Variants in ELL observed in about 807,000 individuals in gnomAD.
The protein encoded by ELL is RNA polymerase II elongation factor ELL.
ELL carries 18 observed loss-of-function variants against 64.0 expected under a neutral mutation model. That is an observed-to-expected ratio of 0.28 (90% CI 0.19 to 0.42). The LOEUF is 0.42. Among genes scored for constraint, ELL ranks in the 10% least tolerant of loss-of-function variants. The pLI, the probability that ELL is intolerant of heterozygous loss-of-function variation, is 1.00. For missense variants in ELL, 797 were observed against 870.4 expected (o/e 0.92, Z 1.06); for synonymous variants, 399 against 376.2 (o/e 1.06, Z -0.70).
At chr19:18,488,640 C>A (rs544622068) in intron 1 of ELL, among the ~76,000 whole-genome samples, 1 of 152,146 alleles carries the variant, frequency 6.6e-6, no homozygotes, top group Non-Finnish European at 1.5e-5. Flanking sequence ...TTCTATGGAC[C>A]GGGCTGTGCA....
chr19:18,470,078 A>G (rs2144926980), intron 2 of ELL, among the ~76,000 whole-genome samples: 1 of 152,332 alleles, frequency 6.6e-6, no homozygotes, highest in Admixed American at 6.5e-5. Context: ...GCACTTTGGG[A>G]GGCTGAGGTG....
At chr19:18,473,141 C>A in intron 1 of ELL, 1 of 676,428 alleles carries the variant, frequency 1.5e-6, no homozygotes, top group Non-Finnish European at 2.7e-6. Context: ...CAGACACAGG[C>A]AACAGGCTGG....
chr19:18,469,738 T>G (rs1244091629), intron 2 of ELL, among the ~76,000 whole-genome samples: 1 of 152,236 alleles, frequency 6.6e-6, no homozygotes, highest in African/African-American at 2.4e-5. Flanking sequence ...CGCTCTGCCC[T>G]TCCCGCTGAC....
At position 18,509,575 on chromosome 19, in the gene ELL, A is replaced by G. The variant is rs551461124; in HGVS notation, c.135+12346T>C. Among the ~76,000 whole-genome samples the G allele has an allele frequency of 2.8e-5, 4 of 144,008 alleles. No individual in the cohort carries two copies. In the South Asian group the frequency reaches 6.8e-4, roughly 24 times the overall value. 94.5% of individuals were successfully genotyped at this position (144,008 alleles called of 152,430 possible). ...TGAACACAGATGGAGACACAGGCCA[A>G]TGCACGTGCGCGCGCGCGCACATAC... On this transcript the variant is annotated intron_variant, in intron 1 of 11. Transcript: ENST00000262809.
At chr19:18,492,379 C>T (rs1975551607) in intron 1 of ELL, among the ~76,000 whole-genome samples, 1 of 152,176 alleles carries the variant, frequency 6.6e-6, no homozygotes, top group Non-Finnish European at 1.5e-5. Flanking sequence ...GATGAAGGAA[C>T]ATATCTGTTT....
Position 18,442,813 on chromosome 19 carries a change from A to G in ELL, c.*1939T>C, listed in dbSNP as rs576420861. 4.6e-6 allele frequency: 1 copy of G among 215,744 alleles called. No individual in the cohort carries two copies. Among genetic ancestry groups the G allele is most frequent in the African/African-American group, 2.3e-5 (1 of 44,328 alleles). The allele number at this position is 215,744 out of a possible 1,614,324, so 13.4% of individuals were successfully genotyped here. On this transcript the variant is annotated 3_prime_UTR_variant, in exon 12 of 12. Transcript: ENST00000262809. Reference sequence around the variant, plus strand: ...TTGTAACATTTTGGCAAAAGTGGAAAGTTCTTGTAAACACCAACCCCATGG... The same window carrying G: ...TTGTAACATTTTGGCAAAAGTGGAAGGTTCTTGTAAACACCAACCCCATGG...
chr19:18,476,287 C>A (rs1430625958), intron 1 of ELL, among the ~76,000 whole-genome samples: 1 of 152,196 alleles, frequency 6.6e-6, no homozygotes, highest in Admixed American at 6.5e-5. Context: ...ACTGTCCATG[C>A]GAGGCCTCTG....
intron 1 of ELL, among the ~76,000 whole-genome samples, chr19:18,521,184 A>C (rs1976262346): frequency 6.6e-6 from 1 of 152,120 alleles, no homozygotes; most frequent in African/African-American, 2.4e-5. Context: ...CCTGAGGATA[A>C]CATCACAGCC....
intron 1 of ELL, among the ~76,000 whole-genome samples, chr19:18,492,043 C>T (rs1249679747): frequency 2.0e-5 from 3 of 152,188 alleles, no homozygotes; most frequent in Non-Finnish European, 2.9e-5. Context: ...GCCTGGAGCA[C>T]GACACTGCCC....
chr19:18,513,667 C>A (rs1262053525), intron 1 of ELL, among the ~76,000 whole-genome samples: 1 of 152,172 alleles, frequency 6.6e-6, no homozygotes, highest in Non-Finnish European at 1.5e-5. Context: ...CCCAGTGGCT[C>A]ACGCCTGTAA....
intron 1 of ELL, among the ~76,000 whole-genome samples, chr19:18,491,284 T>G: frequency 9.6e-6 from 1 of 104,168 alleles, no homozygotes. Context: ...TTTTTTTTTT[T>G]TTTTTTTTAG....
At chr19:18,444,958 A>T in intron 11 of ELL, 90 bp from the exon 12 acceptor site, 1 of 1,411,284 alleles carries the variant, frequency 7.1e-7, no homozygotes, top group Non-Finnish European at 9.6e-7. Flanking sequence ...CAAACCAAAA[A>T]CCTGGGCTTG....
chr19:18,522,038 CT>C lies in ELL; in HGVS notation c.17del (p.Glu6GlyfsTer23). 6.2e-7 allele frequency: 1 copy of C among 1,606,902 alleles called. No homozygotes were observed. On this transcript the variant is annotated frameshift_variant, in exon 1 of 12. Transcript: ENST00000262809. LOFTEE classifies it high-confidence loss of function. MAALK[E>X]DRSYGLSCGR... Reference sequence around the variant, plus strand: ...CGCACGACAGCCCGTAGCTCCTATCCTCCTTCAGCGCCGCCATCTTGCGACC... The same window carrying C: ...CGCACGACAGCCCGTAGCTCCTATCCCCTTCAGCGCCGCCATCTTGCGACC...
At chr19:18,521,462 G>C (rs1397926104) in intron 1 of ELL, among the ~76,000 whole-genome samples, 1 of 151,876 alleles carries the variant, frequency 6.6e-6, no homozygotes, top group Non-Finnish European at 1.5e-5. Context: ...TGCTTCCCAG[G>C]AGGACAGACA....
chr19:18,493,229 C>T (rs1975569468), intron 1 of ELL, among the ~76,000 whole-genome samples: 1 of 152,178 alleles, frequency 6.6e-6, no homozygotes, highest in Non-Finnish European at 1.5e-5. Flanking sequence ...GGGATCCCAT[C>T]AGGGCAATTC....
chr19:18,475,260 T>C (rs1481855518), intron 1 of ELL, among the ~76,000 whole-genome samples: 1 of 152,104 alleles, frequency 6.6e-6, no homozygotes. Context: ...TGACCTAGAT[T>C]GATAGCCATA....
Position 18,445,312 on chromosome 19 carries a change from C to G in ELL, c.1705-44G>C, listed in dbSNP as rs778499891. ...TTTGAGAAAACAGAATGTGTCCCCG[C>G]CTACAGGAAACCCAAATTGAGTGGT... On this transcript the variant is annotated intron_variant, in intron 10 of 11. Coordinates refer to ENST00000262809, the MANE Select transcript of ELL (RefSeq NM_006532.4). The G allele has an allele frequency of 4.4e-5, 71 of 1,608,650 alleles. 1 individual carries two copies. The South Asian group carries it at 7.8e-4, about 18-fold the overall frequency.
At chr19:18,505,320 C>T (rs1447662322) in intron 1 of ELL, among the ~76,000 whole-genome samples, 4 of 152,232 alleles carry the variant, frequency 2.6e-5, no homozygotes, top group Non-Finnish European at 5.9e-5. Context: ...TGCTATTCTT[C>T]TCTACTCAAT....
rs1187675761 is a variant in ELL at position 18,501,693 on chromosome 19, TG to T, written c.135+20227del. Among the ~76,000 whole-genome samples the T allele has an allele frequency of 6.6e-6, 1 of 152,130 alleles. No homozygotes were observed. Among genetic ancestry groups the T allele is most frequent in the African/African-American group, 2.4e-5 (1 of 41,424 alleles). On this transcript the variant is annotated intron_variant, in intron 1 of 11. Transcript: ENST00000262809. The surrounding 1 kb of genome is among the most constrained non-coding windows in gnomAD (Gnocchi z 4.5). ...TTCCCACTGGTCCATCTGACACACC[TG>T]GGGGCCCAAGAGGTGATGGCATCAC... is the stretch of plus-strand genomic sequence containing the variant.
Sources: allele counts gnomAD v4.1 joint callset (sites outside exome capture counted in the v4.1 genomes callset), GRCh38; gene constraint gnomAD v4.1.1; non-coding constraint Gnocchi (gnomAD v3.1); transcripts MANE v1.5; gene names NCBI Gene and HGNC (gene_info 2026-07-23, HGNC 2026-07-21).